The following KLF12 variants were observed in gnomAD, a reference collection of about 807,000 sequenced individuals.
KLF12 encodes Krueppel-like factor 12.
In KLF12, 9 loss-of-function variants were observed where a neutral mutation model predicts 37.8. That is an observed-to-expected ratio of 0.24 (90% CI 0.14 to 0.42). The LOEUF (loss-of-function observed/expected upper bound fraction) is 0.42. KLF12 is among the 10% of genes least tolerant of loss of function. The pLI is 1.00. For missense variants in KLF12, 411 were observed against 516.0 expected (o/e 0.80, Z 1.97); for synonymous variants, 208 against 202.1 (o/e 1.03, Z -0.25).
the KLF12 span, among the ~76,000 whole-genome samples, chr13:74,173,509 T>C: frequency 3.9e-5 from 6 of 152,178 alleles, no homozygotes; most frequent in African/African-American, 1.4e-4. Context: ...GCCTGTGTGC[T>C]TATGTGCTGT....
At chr13:73,988,417 C>T (rs771660933) in intron 2 of KLF12, among the ~76,000 whole-genome samples, 3 of 152,190 alleles carry the variant, frequency 2.0e-5, no homozygotes, top group South Asian at 2.1e-4. Context: ...ATGAAGTCTT[C>T]AAGGCAGAGT....
At chr13:73,778,963 G>A (rs961475133) in intron 5 of KLF12, among the ~76,000 whole-genome samples, 5 of 152,136 alleles carry the variant, frequency 3.3e-5, no homozygotes, top group Admixed American at 3.3e-4. Flanking sequence ...ACCAAACAGT[G>A]GTGCTGTTTG....
intron 1 of KLF12, among the ~76,000 whole-genome samples, chr13:74,099,029 T>C (rs962134209): frequency 6.6e-6 from 1 of 152,106 alleles, no homozygotes; most frequent in Non-Finnish European, 1.5e-5. Flanking sequence ...ATATACATCA[T>C]TATCATTGTA....
At chr13:73,770,018 T>C (rs9592943) in intron 5 of KLF12, among the ~76,000 whole-genome samples, 18,349 of 152,218 alleles carry the variant, frequency 0.12, 1,237 homozygotes, top group Middle Eastern at 0.23. Context: ...TAACCTATAT[T>C]TTAATTAGGT....
chr13:73,744,972 C>T (rs1878261803), intron 6 of KLF12, among the ~76,000 whole-genome samples: 1 of 152,136 alleles, frequency 6.6e-6, no homozygotes, highest in Non-Finnish European at 1.5e-5. Flanking sequence ...TTCTACAGAG[C>T]CTTCTAGTGT....
At chr13:73,825,494 A>G (rs542408611) in intron 4 of KLF12, among the ~76,000 whole-genome samples, 2 of 152,226 alleles carry the variant, frequency 1.3e-5, no homozygotes, top group Non-Finnish European at 2.9e-5. Context: ...TCCCAACTTT[A>G]AACTGGGCTT....
intron 6 of KLF12, among the ~76,000 whole-genome samples, chr13:73,762,862 T>C (rs1879658425): frequency 6.6e-6 from 1 of 152,200 alleles, no homozygotes; most frequent in Non-Finnish European, 1.5e-5. Context: ...CCAGGTGATT[T>C]ATTTCCATAT....
chr13:73,723,786 C>T (rs1316117523), intron 6 of KLF12, among the ~76,000 whole-genome samples: 1 of 152,036 alleles, frequency 6.6e-6, no homozygotes, highest in East Asian at 1.9e-4. Context: ...GACCGACAAA[C>T]ATGAAAAAAA....
At chr13:74,081,792 G>A (rs1025634989) in intron 1 of KLF12, among the ~76,000 whole-genome samples, 2 of 152,142 alleles carry the variant, frequency 1.3e-5, no homozygotes, top group African/African-American at 4.8e-5. Context: ...ACTCGTGCCA[G>A]AGAATGTCAG....
chr13:73,785,800 GCACACTATTA>G (rs1881303573), intron 5 of KLF12, among the ~76,000 whole-genome samples: 1 of 152,054 alleles, frequency 6.6e-6, no homozygotes, highest in Admixed American at 6.6e-5. Flanking sequence ...CTCGTGTATA[GCACACTATTA>G]TCTGCTGGAT....
At chr13:74,079,716 A>G (rs573982662) in intron 1 of KLF12, among the ~76,000 whole-genome samples, 1 of 152,328 alleles carries the variant, frequency 6.6e-6, no homozygotes, top group South Asian at 2.1e-4. Flanking sequence ...GATGGCTACT[A>G]TCAAAAGAAA....
chr13:73,843,398 G>A (rs1007272986), intron 4 of KLF12, among the ~76,000 whole-genome samples: 8 of 151,754 alleles, frequency 5.3e-5, no homozygotes, highest in Non-Finnish European at 8.8e-5. Context: ...TCCACCTCCC[G>A]GGTTTAAGCG....
intron 1 of KLF12, among the ~76,000 whole-genome samples, chr13:74,052,071 A>G (rs1872958594): frequency 6.6e-6 from 1 of 152,218 alleles, no homozygotes; most frequent in African/African-American, 2.4e-5. Context: ...TAAAGATTCC[A>G]AAGTCTGGCT....
chr13:74,010,494 G>A (rs1351442812), intron 1 of KLF12, among the ~76,000 whole-genome samples: 1 of 152,084 alleles, frequency 6.6e-6, no homozygotes, highest in Non-Finnish European at 1.5e-5. Context: ...CCAAGTTATG[G>A]CCTAGCCATA....
At chr13:74,105,689 G>A (rs1307072917) in intron 1 of KLF12, among the ~76,000 whole-genome samples, 1 of 152,154 alleles carries the variant, frequency 6.6e-6, no homozygotes, top group Non-Finnish European at 1.5e-5. Context: ...ACCTGGATGT[G>A]TTAACCTAAG....
At chr13:73,968,117 T>A (rs940721014) in intron 2 of KLF12, among the ~76,000 whole-genome samples, 3 of 152,194 alleles carry the variant, frequency 2.0e-5, no homozygotes, top group African/African-American at 7.2e-5. Context: ...TCACTTAACA[T>A]CTTTGGGCCC....
chr13:74,080,399 G>C (rs1456840452), intron 1 of KLF12, among the ~76,000 whole-genome samples: 1 of 152,078 alleles, frequency 6.6e-6, no homozygotes, highest in South Asian at 2.1e-4. Flanking sequence ...AGTGAGCTGT[G>C]ATCACACCAC....
rs553003673 is a variant in KLF12, at chr13:73,896,405, T to G, written c.123+47576A>C. On this transcript the variant is annotated intron_variant, in intron 3 of 7. Coordinates refer to ENST00000377669, the MANE Select transcript of KLF12 (RefSeq NM_007249.5). ...AGCAATGGAAATGTAGGGGACTTTCTGAATGTCTATGTGCCAAGCAATACG... is the reference window on the plus strand; with the variant it reads ...AGCAATGGAAATGTAGGGGACTTTCGGAATGTCTATGTGCCAAGCAATACG... Among the ~76,000 whole-genome samples, 43 of 152,306 alleles carry G rather than the reference T, an allele frequency of 2.8e-4. 1 individual carries two copies. The South Asian group carries it at 8.7e-3, about 31-fold the overall frequency.
intron 2 of KLF12, among the ~76,000 whole-genome samples, chr13:73,967,345 T>A (rs1399320247): frequency 6.6e-6 from 1 of 152,174 alleles, no homozygotes; most frequent in Non-Finnish European, 1.5e-5. Context: ...GAATACACGG[T>A]CACTAAACAA....
Sources: gnomAD v4.1 joint callset for allele counts (sites outside exome capture counted in the v4.1 genomes callset) on GRCh38, gnomAD v4.1.1 for gene constraint, MANE v1.5 for transcripts, NCBI Gene and HGNC (gene_info 2026-07-23, HGNC 2026-07-21) for gene names.